NCOR2: variants seen among roughly 807,000 people sequenced by gnomAD.
The protein encoded by NCOR2 is CTG repeat protein 26.
NCOR2 carries 81 observed loss-of-function variants against 262.9 expected under a neutral mutation model. That is an observed-to-expected ratio of 0.31 (90% CI 0.26 to 0.37). NCOR2 has a LOEUF of 0.37. NCOR2 is among the 10% of genes least tolerant of loss of function. The probability of loss-of-function intolerance (pLI) is 1.00; values close to 1 mark genes in which losing one functional copy is unlikely to be tolerated. For synonymous variants in NCOR2, 1,659 were observed against 1,559.3 expected (o/e 1.06, Z -1.51); for missense variants, 3,385 against 3,621.4 (o/e 0.93, Z 1.68).
intron 6 of NCOR2, among the ~76,000 whole-genome samples, chr12:124,452,945 G>C (rs558152773): frequency 6.6e-6 from 1 of 152,264 alleles, no homozygotes; most frequent in East Asian, 1.9e-4. Context: ...GCACTCACCA[G>C]CCACTCCCCG....
exon 21 of NCOR2, chr12:124,363,774 G>A: frequency 7.2e-7 from 1 of 1,383,840 alleles, no homozygotes; most frequent in South Asian, 1.9e-5. Context: ...GTCGGGGTGA[G>A]GAGGCTGGGC....
At chr12:124,362,099 C>T in intron 22 of NCOR2, 27 bp downstream of exon 24, 1 of 1,278,506 alleles carries the variant, frequency 7.8e-7, no homozygotes, top group Admixed American at 3.2e-5. Flanking sequence ...CTGCCCCAGC[C>T]CCACTCAGCC....
At chr12:124,487,421 G>A (rs1481688448) in intron 1 of NCOR2, among the ~76,000 whole-genome samples, 2 of 152,226 alleles carry the variant, frequency 1.3e-5, no homozygotes, top group African/African-American at 2.4e-5. Flanking sequence ...ACACACCGTC[G>A]TCCATTTGAC....
At chr12:124,336,050 C>T in intron 38 of NCOR2, 1 of 186,154 alleles carries the variant, frequency 5.4e-6, no homozygotes, top group Non-Finnish European at 1.1e-5. Context: ...TGGGCTATAG[C>T]CTCGGCCATC....
chr12:124,407,570 A>T (rs1281894050), intron 13 of NCOR2, among the ~76,000 whole-genome samples: 3 of 152,198 alleles, frequency 2.0e-5, no homozygotes, highest in Non-Finnish European at 4.4e-5. Context: ...CATGTTAAAG[A>T]GCAATCCAAT....
At chr12:124,342,152 C>T in intron 33 of NCOR2, 78 bp from the exon 36 acceptor site, 1 of 1,476,568 alleles carries the variant, frequency 6.8e-7, no homozygotes, top group Non-Finnish European at 9.1e-7. Flanking sequence ...CTGGATGCCC[C>T]CTACTTCTGC....
chr12:124,454,837 T>C lies in NCOR2; in HGVS notation c.762+2269A>G, dbSNP rs1399182383. Among the ~76,000 whole-genome samples the C allele has an allele frequency of 6.6e-6, 1 of 152,168 alleles. No homozygotes were observed. The highest frequency in any genetic ancestry group is 1.5e-5 in the Non-Finnish European group (1 of 68,036). On this transcript the variant is annotated intron_variant, in intron 6 of 46. Transcript: ENST00000405201. The surrounding 1 kb of genome is among the most constrained non-coding windows in gnomAD (Gnocchi z 5.6). Reference sequence around the variant, plus strand: ...GGAGAAATGAAGACGTACGTTCACATGGAAACGGCACACTAATGTTCACAG... The same window carrying C: ...GGAGAAATGAAGACGTACGTTCACACGGAAACGGCACACTAATGTTCACAG...
chr12:124,516,908 A>G (rs2082601112), intron 1 of NCOR2, among the ~76,000 whole-genome samples: 1 of 152,096 alleles, frequency 6.6e-6, no homozygotes, highest in Non-Finnish European at 1.5e-5. Flanking sequence ...TCACTCCCTT[A>G]AGCCATACAG....
In NCOR2 at chr12:124,531,369, C is replaced by G. The variant is rs995343904; in HGVS notation, c.-118+4196G>C. Among the ~76,000 whole-genome samples, 2 of 152,168 alleles carry G rather than the reference C, an allele frequency of 1.3e-5. No individual in the cohort carries two copies. Among genetic ancestry groups the G allele is most frequent in the Non-Finnish European group, 2.9e-5 (2 of 68,022 alleles). On this transcript the variant is annotated intron_variant, in intron 1 of 46. Coordinates refer to the NCOR2 transcript ENST00000404621. The surrounding 1 kb of genome is among the most constrained non-coding windows in gnomAD (Gnocchi z 4.5). Reference sequence around the variant, plus strand: ...TGGAGCCAACGGCAGGAGGGGCATCCCCCGGGCCCGATTAGCGGGCGGCCG... The same window carrying G: ...TGGAGCCAACGGCAGGAGGGGCATCGCCCGGGCCCGATTAGCGGGCGGCCG...
intron 7 of NCOR2, among the ~76,000 whole-genome samples, chr12:124,442,218 A>T (rs949176655): frequency 1.3e-5 from 2 of 152,154 alleles, no homozygotes; most frequent in Non-Finnish European, 2.9e-5. Flanking sequence ...ATCATGGCTC[A>T]CTGCATCCTT....
At chr12:124,349,115 G>T (rs1472014696) in intron 28 of NCOR2, among the ~76,000 whole-genome samples, 1 of 152,244 alleles carries the variant, frequency 6.6e-6, no homozygotes, top group Non-Finnish European at 1.5e-5. Flanking sequence ...TGTGTTGCAG[G>T]CAGTGGTGAG....
intron 1 of NCOR2, among the ~76,000 whole-genome samples, chr12:124,501,447 C>T (rs1434516755): frequency 1.3e-5 from 2 of 152,176 alleles, no homozygotes; most frequent in South Asian, 2.1e-4. Context: ...CTGGAGGCCT[C>T]GAGTCCATAT....
rs1258076088 is a variant in NCOR2 at position 124,340,211 on chromosome 12, ACAGT to A, written c.5489-11_5489-8del. The A allele has an allele frequency of 1.3e-6, 2 of 1,577,472 alleles. No homozygotes were observed. Among genetic ancestry groups the A allele is most frequent in the East Asian group, 2.3e-5 (1 of 43,948 alleles). On this transcript the variant is annotated splice_region_variant and splice_polypyrimidine_tract_variant and intron_variant, in intron 36 of 46. Transcript: ENST00000405201. The stretch of plus-strand genomic sequence containing the variant: ...CCGCTGCTCTGCTCTGTACCTGGTG[ACAGT>A]CAGTGGCATCAGCAGGGGGAGGCCT...
intron 2 of NCOR2, among the ~76,000 whole-genome samples, chr12:124,484,126 G>A (rs572989279): frequency 6.6e-6 from 1 of 152,336 alleles, no homozygotes; most frequent in East Asian, 1.9e-4. Context: ...GAGGCCTACT[G>A]AGTCAGACTC....
intron 16 of NCOR2, among the ~76,000 whole-genome samples, chr12:124,387,496 G>T (rs541794483): frequency 1.3e-5 from 2 of 152,232 alleles, no homozygotes; most frequent in Admixed American, 1.3e-4. Context: ...CCAGCCAAGG[G>T]GGGCAACGCG....
Position 124,495,136 on chromosome 12 carries a change from C to T in NCOR2, c.105+11G>A. ...AGGTAGCCCCAGGCGCACACATGTGCACCCCCTTACCGTGTGCGTCCGGGC... is the reference window on the plus strand; with the variant it reads ...AGGTAGCCCCAGGCGCACACATGTGTACCCCCTTACCGTGTGCGTCCGGGC... On this transcript the variant is annotated intron_variant, in intron 1 of 46. Coordinates refer to ENST00000405201, the Ensembl canonical transcript of NCOR2. This position sits in a 1 kb window ranked among gnomAD's most constrained non-coding sequence, Gnocchi z 4.4. 6.2e-7 allele frequency: 1 copy of T among 1,613,276 alleles called. No individual in the cohort carries two copies. The highest frequency in any genetic ancestry group is 8.5e-7 in the Non-Finnish European group (1 of 1,179,758).
chr12:124,505,924 G>A (rs1256614626), intron 1 of NCOR2, among the ~76,000 whole-genome samples: 2 of 152,062 alleles, frequency 1.3e-5, no homozygotes, highest in African/African-American at 4.8e-5. Flanking sequence ...CCAGTGCCAC[G>A]TCCTGCTCCT....
intron 1 of NCOR2, among the ~76,000 whole-genome samples, chr12:124,544,679 G>A (rs1005114146): frequency 6.6e-6 from 1 of 152,134 alleles, no homozygotes; most frequent in Non-Finnish European, 1.5e-5. Context: ...CCCAGCACCC[G>A]TGACCTGCTC....
chr12:124,500,990 G>C (rs1042664032), intron 1 of NCOR2, among the ~76,000 whole-genome samples: 1 of 152,102 alleles, frequency 6.6e-6, no homozygotes, highest in Non-Finnish European at 1.5e-5. Context: ...TGTGGCAGGT[G>C]GGGGAGCCTC....
Sources: gnomAD v4.1 joint callset for allele counts (sites outside exome capture counted in the v4.1 genomes callset) on GRCh38, gnomAD v4.1.1 for gene constraint, Gnocchi (gnomAD v3.1) non-coding constraint, MANE v1.5 for transcripts, NCBI Gene and HGNC (gene_info 2026-07-23, HGNC 2026-07-21) for gene names.